Variants in NCEH1 observed in about 807,000 individuals in gnomAD.
The protein encoded by NCEH1 is 2-acetyl MAGE hydrolase.
A neutral mutation model predicts 25.4 loss-of-function variants in NCEH1; 9 were observed. The observed-to-expected ratio is 0.35, with a 90% confidence interval of 0.21 to 0.62. The LOEUF is 0.62. NCEH1 is among the 20% of genes least tolerant of loss of function. The pLI is 0.72. For synonymous variants in NCEH1, 200 were observed against 199.8 expected, an observed-to-expected ratio of 1.00 and a Z score of -0.01; for missense variants, 412 against 501.1, an observed-to-expected ratio of 0.82 and a Z score of 1.70.
chr3:172,641,642 C>T (rs976775850), intron 3 of NCEH1, among the ~76,000 whole-genome samples: 20 of 152,368 alleles, frequency 1.3e-4, no homozygotes, highest in South Asian at 2.1e-4. Flanking sequence ...AAGAACCAAG[C>T]GTCCACCATC....
At chr3:172,710,795 C>A (rs1041684680) in intron 1 of NCEH1, 52 bp downstream of exon 1, 2 of 1,601,490 alleles carry the variant, frequency 1.2e-6, no homozygotes, top group Non-Finnish European at 1.7e-6. Flanking sequence ...GTATCCCCTT[C>A]AAATATTGCG....
rs10663183 is a variant in NCEH1, at chr3:172,684,484, C to CA, written c.138+26362dup. Among the ~76,000 whole-genome samples, 9 of 128,562 alleles carry CA rather than the reference C, an allele frequency of 7.0e-5. No individual in the cohort carries two copies. In the East Asian group the frequency reaches 8.5e-4, roughly 12 times the overall value. 84.3% of individuals were successfully genotyped at this position (128,562 alleles called of 152,430 possible). The stretch of plus-strand genomic sequence containing the variant: ...CAATTATCCAGGCACTGGATAATTA[C>CA]AAAAAACAACATAAACCTGGATGAA... On this transcript the variant is annotated intron_variant, in intron 1 of 4. Coordinates refer to ENST00000475381, the MANE Select transcript of NCEH1 (RefSeq NM_020792.6).
rs1200405067 is a variant in NCEH1 at position 172,683,150 on chromosome 3, TCC to T, written c.138+27695_138+27696del. The stretch of plus-strand genomic sequence containing the variant: ...CGGGCGCGGTGGCTCACGCCTGTAA[TCC>T]CAGCACTTTGGGAGGCCGAGGCGGG... On this transcript the variant is annotated intron_variant, in intron 1 of 4. Transcript: ENST00000475381. Among the ~76,000 whole-genome samples, 21 of 64,424 alleles carry T rather than the reference TCC, an allele frequency of 3.3e-4. 1 individual carries two copies. The highest frequency in any genetic ancestry group is 3.6e-4 in the African/African-American group (5 of 13,714). The allele number at this position is 64,424 out of a possible 152,430, so 42.3% of individuals were successfully genotyped here.
At position 172,633,379 on chromosome 3, in the gene NCEH1, A is replaced by C; in HGVS notation, c.*96T>G. 1 of 1,131,192 alleles carries C rather than the reference A, an allele frequency of 8.8e-7. No individual in the cohort carries two copies. Among genetic ancestry groups the C allele is most frequent in the Non-Finnish European group, 1.3e-6 (1 of 781,758 alleles). 70.1% of individuals were successfully genotyped at this position (1,131,192 alleles called of 1,614,324 possible). A position where few individuals can be genotyped will look rare whatever the true frequency, so the allele number is the denominator to read the frequency against. On this transcript the variant is annotated 3_prime_UTR_variant, in exon 5 of 5. Transcript: ENST00000475381. ...TTCCATAACTCGCAAGTAGAGGGGA[A>C]TGGGAGGAAGAATTAGTCAACTAAA...
intron 1 of NCEH1, among the ~76,000 whole-genome samples, chr3:172,662,697 A>G (rs898456789): frequency 6.6e-6 from 1 of 151,908 alleles, no homozygotes; most frequent in Non-Finnish European, 1.5e-5. Flanking sequence ...GTCTTGGGAG[A>G]GTGTATGTGT....
chr3:172,677,651 CG>C (rs906603637), intron 1 of NCEH1, among the ~76,000 whole-genome samples: 7 of 49,636 alleles, frequency 1.4e-4, no homozygotes, highest in East Asian at 5.9e-4. Flanking sequence ...GGGGGAGGGG[CG>C]GGGGGGCGGC....
At chr3:172,661,686 A>C (rs909979929) in intron 1 of NCEH1, among the ~76,000 whole-genome samples, 3 of 151,684 alleles carry the variant, frequency 2.0e-5, no homozygotes, top group South Asian at 2.1e-4. Context: ...GAGGTCCTTC[A>C]CATCCCTTGT....
rs899866408 is a variant in NCEH1 at position 172,632,484 on chromosome 3, A to G, written c.*991T>C. ...AGCAAAATAGCTCCATTTTAAAGCCATATAAGTGAAAAAATTGAGTTTTCA... is the reference window on the plus strand; with the variant it reads ...AGCAAAATAGCTCCATTTTAAAGCCGTATAAGTGAAAAAATTGAGTTTTCA... On this transcript the variant is annotated 3_prime_UTR_variant, in exon 5 of 5. Transcript: ENST00000475381. 6.6e-6 allele frequency: 1 copy of G among 152,622 alleles called. No individual in the cohort carries two copies. The highest frequency in any genetic ancestry group is 6.5e-5 in the Admixed American group (1 of 15,282). 9.5% of individuals were successfully genotyped at this position (152,622 alleles called of 1,614,324 possible). A position where few individuals can be genotyped will look rare whatever the true frequency, so the allele number is the denominator to read the frequency against.
chr3:172,682,312 A>G (rs1712425798), intron 1 of NCEH1, among the ~76,000 whole-genome samples: 1 of 152,202 alleles, frequency 6.6e-6, no homozygotes. Context: ...CAGTTTATCT[A>G]CTGTTTACTG....
chr3:172,695,080 C>T (rs1342078661), intron 1 of NCEH1, among the ~76,000 whole-genome samples: 2 of 152,172 alleles, frequency 1.3e-5, no homozygotes, highest in African/African-American at 2.4e-5. Context: ...TTATGGTGGT[C>T]AACTGAAGAC....
chr3:172,636,043 T>G lies in NCEH1; in HGVS notation c.482A>C (p.Asp161Ala). ...GAAATACTTTGTGGCCCGTACAACATCATGAATTTGCTCAGGAAAATAAAC... is the reference window on the plus strand; with the variant it reads ...GAAATACTTTGTGGCCCGTACAACAGCATGAATTTGCTCAGGAAAATAAAC... ...PKVYFPEQIH[D>A]VVRATKYFLK... The change falls in exon 4 of 5, where the codon GAT becomes GCT. Residue 161 changes from aspartate (D) to alanine (A), a missense_variant. Asp to Ala is a moderately radical substitution (Grantham distance 126). Around this residue, in one of 3 missense-constraint regions of NCEH1, gnomAD observed 24 missense variants for 53.8 expected, o/e 0.45. Transcript: ENST00000475381. 6.2e-7 allele frequency: 1 copy of G among 1,614,110 alleles called. No individual in the cohort carries two copies. The highest frequency in any genetic ancestry group is 8.5e-7 in the Non-Finnish European group (1 of 1,179,994).
In NCEH1 at chr3:172,683,131, C is replaced by T. The variant is rs1281304140; in HGVS notation, c.138+27716G>A. Among the ~76,000 whole-genome samples the T allele has an allele frequency of 2.3e-4, 15 of 64,528 alleles. 4 individuals carry two copies. The highest frequency in any genetic ancestry group is 5.1e-4 in the Non-Finnish European group (15 of 29,198). The allele number at this position is 64,528 out of a possible 152,430, so 42.3% of individuals were successfully genotyped here. A position where few individuals can be genotyped will look rare whatever the true frequency, so the allele number is the denominator to read the frequency against. On this transcript the variant is annotated intron_variant, in intron 1 of 4. Coordinates refer to ENST00000475381, the MANE Select transcript of NCEH1 (RefSeq NM_020792.6). ...TAAGAAGCGGAGGCAGGGCCGGGCG[C>T]GGTGGCTCACGCCTGTAATCCCAGC...
chr3:172,659,303 AT>A (rs5854480), intron 1 of NCEH1, among the ~76,000 whole-genome samples: 73,218 of 151,978 alleles, frequency 0.48, 20,001 homozygotes, highest in African/African-American at 0.77. Context: ...CAAAAGGCAG[AT>A]TAACAAGCAA....
At chr3:172,676,364 A>C (rs1340385526) in intron 1 of NCEH1, among the ~76,000 whole-genome samples, 1 of 152,094 alleles carries the variant, frequency 6.6e-6, no homozygotes, top group Non-Finnish European at 1.5e-5. Context: ...TCTTGTCACC[A>C]TGTGTGCCAA....
Position 172,673,740 on chromosome 3 carries a change from C to T in NCEH1, c.139-25626G>A, listed in dbSNP as rs145302579. ...TCAAAGGCAAGGAAGCCTCAAGGCA[C>T]TAACACACTTTGAGCCCTTCTAATC... On this transcript the variant is annotated intron_variant, in intron 1 of 4. Transcript: ENST00000475381. 4.3e-3 allele frequency among the ~76,000 whole-genome samples: 651 copies of T among 152,274 alleles called. 13 individuals carry two copies. Among genetic ancestry groups the T allele is most frequent in the East Asian group, 2.3e-3 (12 of 5,182 alleles).
At chr3:172,684,147 C>T (rs927993132) in intron 1 of NCEH1, among the ~76,000 whole-genome samples, 3 of 152,192 alleles carry the variant, frequency 2.0e-5, no homozygotes, top group African/African-American at 7.2e-5. Flanking sequence ...ACTATGTATT[C>T]GTTCACTGCT....
chr3:172,645,091 T>G (rs1717055030), intron 3 of NCEH1, among the ~76,000 whole-genome samples: 1 of 152,192 alleles, frequency 6.6e-6, no homozygotes, highest in African/African-American at 2.4e-5. Context: ...ATTATTATAA[T>G]TATTATTCAC....
intron 1 of NCEH1, among the ~76,000 whole-genome samples, chr3:172,701,448 C>CGTTTTTTTTTTTTTTT (rs1184829037): frequency 9.2e-5 from 6 of 65,512 alleles, no homozygotes; most frequent in African/African-American, 6.3e-4. Context: ...TGGTCTTTTG[C>CGTTTTTTTTTTTTTTT]CTTTTTTTTT....
intron 3 of NCEH1, among the ~76,000 whole-genome samples, chr3:172,643,751 C>T (rs963749986): frequency 6.6e-5 from 10 of 152,164 alleles, no homozygotes; most frequent in African/African-American, 2.2e-4. Flanking sequence ...AATGGAAAAT[C>T]TGCACGGTGC....
Sources: allele counts gnomAD v4.1 joint callset (sites outside exome capture counted in the v4.1 genomes callset), GRCh38; gene constraint gnomAD v4.1.1; regional missense constraint gnomAD v4.1.1; transcripts MANE v1.5; gene names NCBI Gene and HGNC (gene_info 2026-07-23, HGNC 2026-07-21).